The following LHFPL3 variants were observed in gnomAD, a reference collection of about 807,000 sequenced individuals.
The protein encoded by LHFPL3 is LHFPL tetraspan subfamily member 3 protein.
Under a neutral mutation model 19.3 loss-of-function variants are expected in LHFPL3, and 5 were observed. The observed-to-expected ratio is 0.26, with a 90% CI of 0.14 to 0.54. The LOEUF is 0.54. Ranked by LOEUF, LHFPL3 falls within the 20% of genes least tolerant of loss-of-function variation. LHFPL3 has a pLI of 0.94. For synonymous variants in LHFPL3, 133 were observed against 126.2 expected (o/e 1.05, Z -0.36); for missense variants, 249 against 307.4 (o/e 0.81, Z 1.42).
At chr7:104,330,466 A>G (rs1031197526) in intron 1 of LHFPL3, among the ~76,000 whole-genome samples, 2 of 152,222 alleles carry the variant, frequency 1.3e-5, no homozygotes, top group African/African-American at 4.8e-5. Context: ...TTGTAGGATG[A>G]GTAGATACTT....
At chr7:104,827,917 G>A (rs1468324550) in intron 2 of LHFPL3, among the ~76,000 whole-genome samples, 1 of 151,870 alleles carries the variant, frequency 6.6e-6, no homozygotes, top group Non-Finnish European at 1.5e-5. Context: ...CCAGACCATA[G>A]CCCTTTGCAG....
At chr7:104,435,847 G>C (rs1431632106) in intron 1 of LHFPL3, among the ~76,000 whole-genome samples, 2 of 151,902 alleles carry the variant, frequency 1.3e-5, no homozygotes, top group African/African-American at 4.8e-5. Context: ...CTTTAATCTA[G>C]TAAGGCCAAC....
chr7:104,627,549 T>C (rs189286741), intron 1 of LHFPL3, among the ~76,000 whole-genome samples: 87 of 152,288 alleles, frequency 5.7e-4, no homozygotes, highest in Non-Finnish European at 1.1e-3. Flanking sequence ...TTAGTTTCAA[T>C]GCATCTTTGT....
chr7:104,628,989 A>G (rs1198202023), intron 1 of LHFPL3, among the ~76,000 whole-genome samples: 1 of 152,180 alleles, frequency 6.6e-6, no homozygotes, highest in Non-Finnish European at 1.5e-5. Flanking sequence ...TGGAAAAATT[A>G]TTTGCCTAAA....
At position 104,736,677 on chromosome 7, in the gene LHFPL3, G is replaced by A. The variant is rs1562977160; in HGVS notation, c.448G>A (p.Ala150Thr). 1 of 1,605,180 alleles carries A rather than the reference G, an allele frequency of 6.2e-7. No homozygotes were observed. Among genetic ancestry groups the A allele is most frequent in the Middle Eastern group, 1.7e-4 (1 of 6,034 alleles). The change falls in exon 2 of 3, where the codon GCC (alanine) becomes ACC (threonine). Residue 150 changes from alanine (A) to threonine (T), a missense_variant and splice_region_variant. Physicochemically the swap from Ala to Thr is moderately conservative, Grantham distance 58. Coordinates refer to ENST00000424859, the MANE Select transcript of LHFPL3 (RefSeq NM_199000.3). ...ICAWMQLTSAACLVLGCMIFP... is the reference protein window; with the variant it reads ...ICAWMQLTSATCLVLGCMIFP... ...GTTTTTCTCTCTTTCTCTCCAAGCT[G>A]CCTGCCTTGTGCTTGGCTGTATGAT...
chr7:104,488,370 G>A (rs1028336270), intron 1 of LHFPL3, among the ~76,000 whole-genome samples: 1 of 152,120 alleles, frequency 6.6e-6, no homozygotes, highest in Non-Finnish European at 1.5e-5. Context: ...GCTCTTTAGG[G>A]AGGACTGCTC....
chr7:104,606,009 A>G (rs943267824), intron 1 of LHFPL3, among the ~76,000 whole-genome samples: 3 of 152,128 alleles, frequency 2.0e-5, no homozygotes, highest in African/African-American at 7.2e-5. Flanking sequence ...CAAACCAAGG[A>G]GACAGTTTTA....
intron 1 of LHFPL3, among the ~76,000 whole-genome samples, chr7:104,433,980 C>T (rs1161232414): frequency 6.6e-6 from 1 of 152,136 alleles, no homozygotes; most frequent in African/African-American, 2.4e-5. Context: ...TATTATCTTA[C>T]ATTATATTAA....
chr7:104,817,379 T>C (rs1040798429), intron 2 of LHFPL3, among the ~76,000 whole-genome samples: 3 of 152,168 alleles, frequency 2.0e-5, no homozygotes, highest in Admixed American at 2.0e-4. Context: ...CTTCTCAAAC[T>C]GCTGCCTTGA....
chr7:104,379,593 C>G (rs1459940330), intron 1 of LHFPL3, among the ~76,000 whole-genome samples: 1 of 152,102 alleles, frequency 6.6e-6, no homozygotes, highest in African/African-American at 2.4e-5. Context: ...AGCAGGATGT[C>G]TGAGGAGGAG....
intron 1 of LHFPL3, chr7:104,622,977 C>A: frequency 3.0e-6 from 1 of 331,530 alleles, no homozygotes; most frequent in Non-Finnish European, 6.2e-6. Context: ...TTTATTATAG[C>A]TATCCTGGAG....
chr7:104,432,999 T>C (rs1792030981), intron 1 of LHFPL3, among the ~76,000 whole-genome samples: 1 of 152,216 alleles, frequency 6.6e-6, no homozygotes, highest in Non-Finnish European at 1.5e-5. Context: ...TGAAATTTTT[T>C]GGTCTCGGGT....
At chr7:104,338,335 G>A (rs570012522) in intron 1 of LHFPL3, among the ~76,000 whole-genome samples, 4 of 152,082 alleles carry the variant, frequency 2.6e-5, no homozygotes, top group East Asian at 1.9e-4. Flanking sequence ...TCCTGACCTC[G>A]TGATCTGCCC....
chr7:104,814,818 G>A (rs1790534479), intron 2 of LHFPL3, among the ~76,000 whole-genome samples: 1 of 152,250 alleles, frequency 6.6e-6, no homozygotes, highest in Admixed American at 6.5e-5. Context: ...GGCTGCGGCA[G>A]TGGCCGGGCT....
intron 1 of LHFPL3, among the ~76,000 whole-genome samples, chr7:104,716,328 C>T (rs961451704): frequency 1.3e-5 from 2 of 150,868 alleles, no homozygotes; most frequent in African/African-American, 2.4e-5. Context: ...GGTGACAGAG[C>T]GAGACTCCAT....
chr7:104,878,814 G>A (rs561063769), intron 2 of LHFPL3, among the ~76,000 whole-genome samples: 1 of 152,192 alleles, frequency 6.6e-6, no homozygotes, highest in Admixed American at 6.5e-5. Context: ...GAAATGGAAA[G>A]TGCTACTCCA....
In LHFPL3 at chr7:104,328,675, G is replaced by C; in HGVS notation, c.-105G>C. On this transcript the variant is annotated 5_prime_UTR_variant, in exon 1 of 3. Transcript: ENST00000424859. The surrounding 1 kb of genome is among the most constrained non-coding windows in gnomAD (Gnocchi z 4.6). ...GTGCTGCTGGGCTGAGGCGGAGGCA[G>C]GGGAGTTGCAGCGCGCGAGGCTCCG... 1.0e-6 allele frequency: 1 copy of C among 957,824 alleles called. No homozygotes were observed. Among genetic ancestry groups the C allele is most frequent in the Non-Finnish European group, 1.6e-6 (1 of 637,258 alleles). The allele number at this position is 957,824 out of a possible 1,614,324, so 59.3% of individuals were successfully genotyped here.
At chr7:104,573,268 C>T (rs1164299640) in intron 1 of LHFPL3, among the ~76,000 whole-genome samples, 1 of 151,924 alleles carries the variant, frequency 6.6e-6, no homozygotes, top group Non-Finnish European at 1.5e-5. Context: ...CAAAAATTAG[C>T]CGGCATAGTG....
At chr7:104,584,980 G>A (rs1420744396) in intron 1 of LHFPL3, among the ~76,000 whole-genome samples, 4 of 152,126 alleles carry the variant, frequency 2.6e-5, no homozygotes, top group African/African-American at 7.2e-5. Context: ...TTATACTGAA[G>A]CCTCATACAC....
Sources: allele counts gnomAD v4.1 joint callset (sites outside exome capture counted in the v4.1 genomes callset), GRCh38; gene constraint gnomAD v4.1.1; non-coding constraint Gnocchi (gnomAD v3.1); transcripts MANE v1.5; gene names NCBI Gene and HGNC (gene_info 2026-07-23, HGNC 2026-07-21).